The following FHIP1A variants were observed in gnomAD, a reference collection of about 807,000 sequenced individuals.
FHIP1A encodes FHF complex subunit HOOK interacting protein 1A.
FHIP1A carries 61 observed loss-of-function variants against 88.6 expected under a neutral mutation model. That is an observed-to-expected ratio of 0.69 (90% CI 0.56 to 0.85). FHIP1A has a LOEUF of 0.85. Ranked by LOEUF, FHIP1A falls within the 40% of genes least tolerant of loss-of-function variation. FHIP1A has a pLI of 0.00. For synonymous variants in FHIP1A, 478 were observed against 496.0 expected (o/e 0.96, Z 0.48); for missense variants, 1,154 against 1,273.5 (o/e 0.91, Z 1.43).
intron 1 of FHIP1A, among the ~76,000 whole-genome samples, chr4:151,449,729 G>T (rs1263382076): frequency 6.6e-6 from 1 of 151,998 alleles, no homozygotes; most frequent in Non-Finnish European, 1.5e-5. Flanking sequence ...ATACTTGTCT[G>T]TCTATACAAA....
At chr4:151,594,972 A>G (rs753841843) in intron 7 of FHIP1A, among the ~76,000 whole-genome samples, 7 of 152,202 alleles carry the variant, frequency 4.6e-5, no homozygotes, top group Non-Finnish European at 8.8e-5. Flanking sequence ...TTTTCAAAAA[A>G]CCAGCTTCTG....
At chr4:151,587,866 A>G (rs1388913662) in intron 6 of FHIP1A, among the ~76,000 whole-genome samples, 1 of 152,044 alleles carries the variant, frequency 6.6e-6, no homozygotes, top group Non-Finnish European at 1.5e-5. Flanking sequence ...CTATCAACCT[A>G]TCAACATTTT....
intron 11 of FHIP1A, 91 bp downstream of exon 11, chr4:151,650,683 A>G: frequency 6.9e-7 from 1 of 1,442,080 alleles, no homozygotes; most frequent in Non-Finnish European, 9.1e-7. Flanking sequence ...GGTAAGGGAT[A>G]TTATCGGTTT....
At chr4:151,632,189 AAAG>A (rs1223834667) in intron 8 of FHIP1A, among the ~76,000 whole-genome samples, 1 of 151,998 alleles carries the variant, frequency 6.6e-6, no homozygotes, top group Non-Finnish European at 1.5e-5. Flanking sequence ...AAGAGACAAA[AAAG>A]GACACGAGAT....
At chr4:151,409,959 C>T (rs906795512) in intron 1 of FHIP1A, among the ~76,000 whole-genome samples, 1 of 152,158 alleles carries the variant, frequency 6.6e-6, no homozygotes, top group Non-Finnish European at 1.5e-5. Context: ...GTAGCTGTTG[C>T]TCAATTTCGT....
chr4:151,635,061 A>G (rs1736298867), intron 8 of FHIP1A, among the ~76,000 whole-genome samples: 1 of 151,860 alleles, frequency 6.6e-6, no homozygotes, highest in Admixed American at 6.6e-5. Flanking sequence ...AAAAACCCAA[A>G]TAATCTAACT....
chr4:151,469,080 C>T (rs1263402996), intron 2 of FHIP1A, among the ~76,000 whole-genome samples: 1 of 152,280 alleles, frequency 6.6e-6, no homozygotes. Context: ...TCTGAAAAGG[C>T]TCTATTGCCT....
chr4:151,598,119 A>G (rs1560791048), intron 7 of FHIP1A, among the ~76,000 whole-genome samples: 1 of 152,018 alleles, frequency 6.6e-6, no homozygotes, highest in Non-Finnish European at 1.5e-5. Context: ...GTGTCTGCCC[A>G]AATGGCCGGC....
intron 1 of FHIP1A, among the ~76,000 whole-genome samples, chr4:151,425,728 T>C (rs1230875334): frequency 1.3e-5 from 2 of 152,134 alleles, no homozygotes; most frequent in Non-Finnish European, 2.9e-5. Context: ...CCAAAGACTC[T>C]AGGGGAGAAT....
rs1017581538 is a variant in FHIP1A, at chr4:151,632,030, A to C, written c.1146+2161A>C. Among the ~76,000 whole-genome samples the C allele has an allele frequency of 7.2e-5, 11 of 152,288 alleles. 1 individual carries two copies. In the East Asian group the frequency reaches 2.1e-3, roughly 29 times the overall value. ...CTAAATAGATTAAAAAGAAGATCCA[A>C]GCATATACTGTCTAAAAGACACTCA... On this transcript the variant is annotated intron_variant, in intron 8 of 13. Transcript: ENST00000435205.
chr4:151,621,101 GAGA>G (rs1238018949), intron 7 of FHIP1A, among the ~76,000 whole-genome samples: 2 of 152,186 alleles, frequency 1.3e-5, no homozygotes, highest in Non-Finnish European at 2.9e-5. Flanking sequence ...AAGGAAAACA[GAGA>G]AGGAGTTTAG....
chr4:151,428,664 G>A (rs528984378), intron 1 of FHIP1A, among the ~76,000 whole-genome samples: 27 of 152,062 alleles, frequency 1.8e-4, no homozygotes, highest in Middle Eastern at 3.4e-3. Flanking sequence ...TCCTTAATAC[G>A]TGCAAGGCTC....
chr4:151,506,984 A>G (rs1227012623), intron 3 of FHIP1A, among the ~76,000 whole-genome samples: 1 of 152,214 alleles, frequency 6.6e-6, no homozygotes, highest in African/African-American at 2.4e-5. Context: ...TGCCATTAGC[A>G]CATAAGGCAA....
intron 3 of FHIP1A, among the ~76,000 whole-genome samples, chr4:151,531,568 T>C (rs1731880147): frequency 6.6e-6 from 1 of 152,032 alleles, no homozygotes; most frequent in Non-Finnish European, 1.5e-5. Context: ...AATTTTCATA[T>C]GAGACAGACT....
chr4:151,642,173 C>CA (rs1424258207), intron 9 of FHIP1A, among the ~76,000 whole-genome samples: 3 of 152,148 alleles, frequency 2.0e-5, no homozygotes, highest in African/African-American at 7.2e-5. Context: ...TATGATAGGC[C>CA]AAAGGCAGGC....
At chr4:151,476,642 C>G (rs1729718691) in intron 2 of FHIP1A, among the ~76,000 whole-genome samples, 1 of 151,934 alleles carries the variant, frequency 6.6e-6, no homozygotes, top group African/African-American at 2.4e-5. Context: ...AATCATAAAC[C>G]AGTGCTGCTG....
At chr4:151,547,353 A>G (rs557974773) in intron 3 of FHIP1A, among the ~76,000 whole-genome samples, 94 of 152,340 alleles carry the variant, frequency 6.2e-4, no homozygotes, top group Non-Finnish European at 6.8e-4. Context: ...ACAGAAAGGT[A>G]AGGCTTAAGC....
At chr4:151,533,659 A>G (rs1731965712) in intron 3 of FHIP1A, among the ~76,000 whole-genome samples, 1 of 152,158 alleles carries the variant, frequency 6.6e-6, no homozygotes, top group African/African-American at 2.4e-5. Flanking sequence ...TTTTTTAACT[A>G]TCATTCTGTT....
intron 7 of FHIP1A, among the ~76,000 whole-genome samples, chr4:151,620,722 C>T (rs1376272363): frequency 6.6e-6 from 1 of 151,454 alleles, no homozygotes; most frequent in Non-Finnish European, 1.5e-5. Flanking sequence ...ATTAAGCTTA[C>T]ATTGATCTCT....
Sources: allele counts gnomAD v4.1 joint callset (sites outside exome capture counted in the v4.1 genomes callset), GRCh38; gene constraint gnomAD v4.1.1; transcripts MANE v1.5; gene names NCBI Gene and HGNC (gene_info 2026-07-23, HGNC 2026-07-21).